DUSP15: variants seen among roughly 807,000 people sequenced by gnomAD.
The protein encoded by DUSP15 is dual specificity phosphatase 15.
DUSP15 carries 23 observed loss-of-function variants against 26.3 expected under a neutral mutation model. The ratio of observed to expected loss-of-function variants is 0.87; its 90% CI spans 0.63 to 1.24. DUSP15 has a LOEUF of 1.24. Among genes scored for constraint, DUSP15 ranks in the 50% most tolerant of loss-of-function variants. The pLI is 0.00. For missense variants in DUSP15, 364 were observed against 320.6 expected (o/e 1.14, Z -1.03); for synonymous variants, 143 against 135.5 (o/e 1.06, Z -0.39).
chr20:31,870,655 G>A (rs1343979744), upstream of DUSP15: 4 of 1,256,174 alleles, frequency 3.2e-6, no homozygotes, highest in Middle Eastern at 2.6e-4. This position sits in a 1 kb window ranked among gnomAD's most constrained non-coding sequence, Gnocchi z 6.6. Flanking sequence ...CCCACGGCCC[G>A]CGGGACAACG....
chr20:31,866,182 T>A (rs1463411525), intron 3 of DUSP15, among the ~76,000 whole-genome samples: 1 of 152,138 alleles, frequency 6.6e-6, no homozygotes, highest in African/African-American at 2.4e-5. Context: ...CAGAACCGGG[T>A]CTTCATTTCA....
intron 3 of DUSP15, among the ~76,000 whole-genome samples, chr20:31,866,178 C>T (rs896401250): frequency 2.0e-5 from 3 of 152,134 alleles, no homozygotes; most frequent in African/African-American, 7.2e-5. Context: ...ATGGCAGAAC[C>T]GGGTCTTCAT....
rs1257542911 is a variant in DUSP15, at chr20:31,861,458, A to G, written c.653T>C (p.Val218Ala). ...AHRPLPLLAR[V>A]KQTFSCLPRC... Reference sequence around the variant, plus strand: ...GGGGAGGCAAGAGAAAGTCTGCTTGACGCGCGCCAGCAGCGGCAGCGGCCG... The same window carrying G: ...GGGGAGGCAAGAGAAAGTCTGCTTGGCGCGCGCCAGCAGCGGCAGCGGCCG... Residue 218 changes from valine to alanine, a missense_variant, in exon 7 of 7, where the codon GTC becomes GCC. By Grantham distance (64) the Val-to-Ala change is moderately conservative (BLOSUM62 0). Transcript: ENST00000339738. 6.5e-7 allele frequency: 1 copy of G among 1,545,794 alleles called. No homozygotes were observed. The highest frequency in any genetic ancestry group is 1.2e-5 in the South Asian group (1 of 84,608).
rs57662463 is a variant in DUSP15, at chr20:31,867,631, G to GTTTTTTTTTTTTT, written c.56-491_56-479dup. Among the ~76,000 whole-genome samples the GTTTTTTTTTTTTT allele has an allele frequency of 2.2e-4, 17 of 77,646 alleles. 2 individuals are homozygous for GTTTTTTTTTTTTT. Among genetic ancestry groups the GTTTTTTTTTTTTT allele is most frequent in the East Asian group, 8.6e-4 (2 of 2,338 alleles). The allele number at this position is 77,646 out of a possible 152,430, so 50.9% of individuals were successfully genotyped here. Reference sequence around the variant, plus strand: ...GCTGATGTGCAATGATGCCCACAATGTTTTTTTTTTTTTTTTTTTTTTTTT... The same window carrying GTTTTTTTTTTTTT: ...GCTGATGTGCAATGATGCCCACAATGTTTTTTTTTTTTTTTTTTTTTTTTTTTTTTTTTTTTTT... On this transcript the variant is annotated intron_variant, in intron 2 of 6. Transcript: ENST00000339738.
At chr20:31,846,674 C>CT (rs1444156564), downstream of DUSP15, among the ~76,000 whole-genome samples, 3 of 152,118 alleles carry the variant, frequency 2.0e-5, no homozygotes, top group Admixed American at 2.0e-4. Flanking sequence ...CAGGGAGGGG[C>CT]ACCTAGGATG....
At chr20:31,870,545 T>TGCCACC, upstream of DUSP15, 1 of 1,454,068 alleles carries the variant, frequency 6.9e-7, no homozygotes. This position sits in a 1 kb window ranked among gnomAD's most constrained non-coding sequence, Gnocchi z 6.6. Context: ...GAGCCGCCGC[T>TGCCACC]GCCACCGCCG....
downstream of DUSP15, among the ~76,000 whole-genome samples, chr20:31,846,287 GACACAGACAC>G (rs1327323898): frequency 2.4e-4 from 32 of 133,508 alleles, no homozygotes; most frequent in African/African-American, 9.7e-4. Context: ...CAGAGACACA[GACACAGACAC>G]ACACACACAC....
chr20:31,869,994 C>G, intron 1 of DUSP15: 1 of 1,329,582 alleles, frequency 7.5e-7, no homozygotes, highest in Non-Finnish European at 9.6e-7. Context: ...CGGAGAGAGC[C>G]GAGGAGTCAG....
chr20:31,861,514 G>T lies in DUSP15; in HGVS notation c.597C>A (p.Arg199=). ...CTTCCCGGGGCGTGCGCGGCACCAG[G>T]CGCTGCACGGTTCCCTCGGAGGCTG... ...HSAASEGTVQ[R]LVPRTPREAH... The change falls in exon 7 of 7, where the codon CGC becomes CGA. Residue 199 remains arginine, a synonymous_variant. Transcript: ENST00000339738. The T allele has an allele frequency of 6.5e-7, 1 of 1,526,894 alleles. No individual in the cohort carries two copies. The highest frequency in any genetic ancestry group is 8.7e-7 in the Non-Finnish European group (1 of 1,145,990). 94.6% of individuals were successfully genotyped at this position (1,526,894 alleles called of 1,614,324 possible). A position where few individuals can be genotyped will look rare whatever the true frequency, so the allele number is the denominator to read the frequency against.
chr20:31,857,519 C>T (rs1169416177), downstream of DUSP15, among the ~76,000 whole-genome samples: 1 of 152,190 alleles, frequency 6.6e-6, no homozygotes, highest in Non-Finnish European at 1.5e-5. Flanking sequence ...AGTTCCAACT[C>T]TTCATGATGG....
intron 6 of DUSP15, among the ~76,000 whole-genome samples, chr20:31,851,052 T>A (rs1401575359): frequency 6.6e-6 from 1 of 152,202 alleles, no homozygotes; most frequent in Non-Finnish European, 1.5e-5. Flanking sequence ...GGCTGTCCAA[T>A]GTATTAGAAG....
chr20:31,867,631 G>GTTTTTTTTTTTTTTTTTTTTTTTT (rs57662463), intron 2 of DUSP15, among the ~76,000 whole-genome samples: 1 of 77,652 alleles, frequency 1.3e-5, no homozygotes, highest in African/African-American at 5.5e-5. Flanking sequence ...TGCCCACAAT[G>GTTTTTTTTTTTTTTTTTTTTTTTT]TTTTTTTTTT....
intron 7 of DUSP15, chr20:31,849,897 C>T (rs1442213884): frequency 3.4e-6 from 5 of 1,459,768 alleles, no homozygotes; most frequent in South Asian, 1.4e-5. Flanking sequence ...AGAGGGTGCA[C>T]GGGCTGGACG....
downstream of DUSP15, chr20:31,845,702 C>T: frequency 1.3e-6 from 1 of 798,886 alleles, no homozygotes; most frequent in Non-Finnish European, 1.9e-6. Context: ...ATCCTCCCCT[C>T]CTCCCTCGCC....
At chr20:31,848,249 G>GAGTTCC in exon 10 of DUSP15, 1 of 737,004 alleles carries the variant, frequency 1.4e-6, no homozygotes, top group Non-Finnish European at 2.1e-6. Context: ...GCCTACTCTC[G>GAGTTCC]AGTTCCGGGG....
intron 6 of DUSP15, chr20:31,850,755 G>A: frequency 6.9e-7 from 1 of 1,456,878 alleles, no homozygotes; most frequent in Non-Finnish European, 9.5e-7. Flanking sequence ...CCAGGGAGGA[G>A]GCAGGGCTGG....
downstream of DUSP15, among the ~76,000 whole-genome samples, chr20:31,856,530 G>A (rs537344767): frequency 1.3e-5 from 2 of 152,286 alleles, no homozygotes; most frequent in South Asian, 2.1e-4. Context: ...CAGAGGGACC[G>A]AAGAGACATT....
Position 31,869,613 on chromosome 20 carries a change from G to A in DUSP15, c.22-16C>T. ...CAGGAAGTACCTAGAGGAAGGACAG[G>A]CAAGGGTCAGTGGGGCAGGGGCTGC... is the stretch of plus-strand genomic sequence containing the variant. On this transcript the variant is annotated splice_polypyrimidine_tract_variant and intron_variant, in intron 1 of 6. Transcript: ENST00000339738. 6.2e-7 allele frequency: 1 copy of A among 1,613,586 alleles called. No homozygotes were observed. The highest frequency in any genetic ancestry group is 8.5e-7 in the Non-Finnish European group (1 of 1,179,800).
intron 3 of DUSP15, 129 bp from the exon 4 acceptor site, chr20:31,865,131 C>CTGTCCAA (rs1441583761): frequency 1.0e-6 from 1 of 979,846 alleles, no homozygotes; most frequent in Non-Finnish European, 1.6e-6. Flanking sequence ...GTGGTCCTCT[C>CTGTCCAA]TGTCCAAAGA....
Sources: gnomAD v4.1 joint callset for allele counts (sites outside exome capture counted in the v4.1 genomes callset) on GRCh38, gnomAD v4.1.1 for gene constraint, Gnocchi (gnomAD v3.1) non-coding constraint, MANE v1.5 for transcripts, NCBI Gene and HGNC (gene_info 2026-07-23, HGNC 2026-07-21) for gene names.